The following PLCXD3 variants were observed in gnomAD, a reference collection of about 807,000 sequenced individuals.
PLCXD3 encodes PI-PLC X domain-containing protein 3.
In PLCXD3, 19 loss-of-function variants were observed where a neutral mutation model predicts 25.5. The observed-to-expected ratio is 0.75, with a 90% CI of 0.52 to 1.09. The LOEUF (loss-of-function observed/expected upper bound fraction) is 1.09, where lower values mean the gene tolerates loss of function less well. PLCXD3 is among the 50% of genes least tolerant of loss of function. PLCXD3 has a pLI of 0.00. For synonymous variants in PLCXD3, 174 were observed against 137.6 expected, an observed-to-expected ratio of 1.26 and a Z score of -1.85; for missense variants, 411 against 388.1, an observed-to-expected ratio of 1.06 and a Z score of -0.50.
chr5:41,376,227 T>C (rs777946951), intron 2 of PLCXD3, among the ~76,000 whole-genome samples: 2 of 152,084 alleles, frequency 1.3e-5, no homozygotes, highest in Non-Finnish European at 2.9e-5. Context: ...ATACTGTAAA[T>C]GGTATTCCAA....
At chr5:41,427,913 A>G (rs1247055017) in intron 1 of PLCXD3, among the ~76,000 whole-genome samples, 1 of 152,188 alleles carries the variant, frequency 6.6e-6, no homozygotes, top group Non-Finnish European at 1.5e-5. Flanking sequence ...TGTAATCAAA[A>G]TCAGAACAGA....
chr5:41,508,057 G>A (rs558918175), intron 1 of PLCXD3, among the ~76,000 whole-genome samples: 1 of 152,318 alleles, frequency 6.6e-6, no homozygotes, highest in South Asian at 2.1e-4. Flanking sequence ...GTATTCAGGA[G>A]TATAGATTTG....
At chr5:41,492,931 G>C (rs554289958) in intron 1 of PLCXD3, among the ~76,000 whole-genome samples, 2 of 152,222 alleles carry the variant, frequency 1.3e-5, no homozygotes, top group African/African-American at 4.8e-5. Context: ...CTCTCAACTC[G>C]TCAAAGTCAT....
intron 2 of PLCXD3, among the ~76,000 whole-genome samples, chr5:41,351,978 T>C (rs1744475653): frequency 6.6e-6 from 1 of 152,340 alleles, no homozygotes; most frequent in East Asian, 1.9e-4. Context: ...AAGGTGAATA[T>C]TAAATTTCAT....
intron 1 of PLCXD3, among the ~76,000 whole-genome samples, chr5:41,493,510 T>C (rs545641203): frequency 6.6e-6 from 1 of 152,346 alleles, no homozygotes; most frequent in South Asian, 2.1e-4. Context: ...TGCTGTCTTT[T>C]TGTTTGTCTG....
At chr5:41,333,965 G>A (rs1743907597) in intron 2 of PLCXD3, among the ~76,000 whole-genome samples, 1 of 152,114 alleles carries the variant, frequency 6.6e-6, no homozygotes, top group African/African-American at 2.4e-5. Flanking sequence ...CCCATTTATA[G>A]CTTGATAAAG....
rs187754817 is a variant in PLCXD3, at chr5:41,505,433, G to A, written c.103+4991C>T. The stretch of plus-strand genomic sequence containing the variant: ...TTTACTGTTTACCTTTGATGTTGAT[G>A]CTTTTGATGGCTTTCTGATGCTACA... On this transcript the variant is annotated intron_variant, in intron 1 of 2. Coordinates refer to ENST00000377801, the MANE Select transcript of PLCXD3 (RefSeq NM_001005473.3). 8.3e-4 allele frequency among the ~76,000 whole-genome samples: 127 copies of A among 152,254 alleles called. 1 individual carries two copies. The highest frequency in any genetic ancestry group is 3.4e-3 in the Middle Eastern group (1 of 294).
intron 1 of PLCXD3, among the ~76,000 whole-genome samples, chr5:41,450,125 G>C (rs2150513842): frequency 6.6e-6 from 1 of 152,172 alleles, no homozygotes; most frequent in African/African-American, 2.4e-5. Flanking sequence ...AGCTGCCCTT[G>C]GTTTTGGCTT....
chr5:41,437,950 A>G lies in PLCXD3; in HGVS notation c.104-55416T>C, dbSNP rs977237295. On this transcript the variant is annotated intron_variant, in intron 1 of 2. Transcript: ENST00000377801. ...GTTTCCTTCTTCCTGGACATGGACT[A>G]TAGTACATTCCCCAGCCCCTCTTGG... 3.3e-5 allele frequency among the ~76,000 whole-genome samples: 5 copies of G among 152,208 alleles called. No homozygotes were observed. In the East Asian group the frequency reaches 7.7e-4, roughly 23 times the overall value.
intron 1 of PLCXD3, among the ~76,000 whole-genome samples, chr5:41,506,141 T>C (rs1451321369): frequency 2.0e-5 from 3 of 152,178 alleles, no homozygotes; most frequent in African/African-American, 7.2e-5. Context: ...TGTATGCTGA[T>C]GATGTTGGTC....
intron 1 of PLCXD3, among the ~76,000 whole-genome samples, chr5:41,432,056 A>G (rs552483540): frequency 3.3e-5 from 5 of 152,194 alleles, no homozygotes; most frequent in Non-Finnish European, 7.4e-5. Flanking sequence ...GAGGCCTTCC[A>G]TCTTGGAGAC....
chr5:41,501,393 T>G (rs1013254804), intron 1 of PLCXD3, among the ~76,000 whole-genome samples: 13 of 152,074 alleles, frequency 8.5e-5, no homozygotes, highest in African/African-American at 2.9e-4. Flanking sequence ...TGCTACCACA[T>G]GGGTAAACCT....
chr5:41,478,547 A>G (rs1748329012), intron 1 of PLCXD3, among the ~76,000 whole-genome samples: 1 of 152,204 alleles, frequency 6.6e-6, no homozygotes, highest in Non-Finnish European at 1.5e-5. Context: ...ATGTCATAAA[A>G]TGTATTTACT....
intron 2 of PLCXD3, among the ~76,000 whole-genome samples, chr5:41,378,177 G>C (rs758523251): frequency 6.6e-6 from 1 of 152,048 alleles, no homozygotes; most frequent in East Asian, 1.9e-4. Flanking sequence ...CTTTTGCAAG[G>C]CATGACCCCA....
In PLCXD3 at chr5:41,313,412, C is replaced by T. The variant is rs1239050746; in HGVS notation, c.*205G>A. On this transcript the variant is annotated 3_prime_UTR_variant, in exon 3 of 3. Transcript: ENST00000377801. ...CCTAACACTAGAAGTAGATTTTGCTCATCAAATGGGAAATGAAATATTTAT... is the reference window on the plus strand; with the variant it reads ...CCTAACACTAGAAGTAGATTTTGCTTATCAAATGGGAAATGAAATATTTAT... 6.0e-6 allele frequency: 3 copies of T among 503,812 alleles called. No individual in the cohort carries two copies. Among genetic ancestry groups the T allele is most frequent in the South Asian group, 3.2e-5 (1 of 31,052 alleles). 31.2% of individuals were successfully genotyped at this position (503,812 alleles called of 1,614,324 possible).
intron 1 of PLCXD3, among the ~76,000 whole-genome samples, chr5:41,410,451 C>T (rs7737263): frequency 1.3e-5 from 2 of 151,980 alleles, no homozygotes. Context: ...CCCCCGCCCC[C>T]CAGCTCCTTT....
At chr5:41,481,882 A>C (rs1239197650) in intron 1 of PLCXD3, among the ~76,000 whole-genome samples, 3 of 152,180 alleles carry the variant, frequency 2.0e-5, no homozygotes, top group Admixed American at 1.3e-4. Context: ...CCTTCATCTG[A>C]GTATTTGCCC....
chr5:41,439,134 T>G (rs1747322078), intron 1 of PLCXD3, among the ~76,000 whole-genome samples: 1 of 152,166 alleles, frequency 6.6e-6, no homozygotes, highest in Non-Finnish European at 1.5e-5. Flanking sequence ...CCAGGTATCC[T>G]GCGCCTCCTC....
At chr5:41,426,302 T>A (rs1746954905) in intron 1 of PLCXD3, among the ~76,000 whole-genome samples, 1 of 150,068 alleles carries the variant, frequency 6.7e-6, no homozygotes, top group African/African-American at 2.4e-5. Flanking sequence ...TAGAGTTGTT[T>A]CTTAATTGTA....
Sources: gnomAD v4.1 joint callset for allele counts (sites outside exome capture counted in the v4.1 genomes callset) on GRCh38, gnomAD v4.1.1 for gene constraint, MANE v1.5 for transcripts, NCBI Gene and HGNC (gene_info 2026-07-23, HGNC 2026-07-21) for gene names.